Variants in NRP1 observed in about 807,000 individuals in gnomAD.
The protein encoded by NRP1 is neuropilin-1.
In NRP1, 35 loss-of-function variants were observed where a neutral mutation model predicts 106.7. The ratio of observed to expected loss-of-function variants is 0.33; its 90% confidence interval spans 0.25 to 0.43. The LOEUF (loss-of-function observed/expected upper bound fraction) is 0.43, where lower values mean the gene tolerates loss of function less well. Ranked by LOEUF, NRP1 falls within the 20% of genes least tolerant of loss-of-function variation. The pLI is 1.00. For missense variants in NRP1, 1,024 were observed against 1,170.4 expected (o/e 0.87, Z 1.83); for synonymous variants, 437 against 417.9 (o/e 1.05, Z -0.56).
At chr10:33,224,749 G>T (rs1201389103) in intron 7 of NRP1, among the ~76,000 whole-genome samples, 11 of 152,044 alleles carry the variant, frequency 7.2e-5, no homozygotes, top group Non-Finnish European at 1.5e-5. Context: ...GTCCCAGTGT[G>T]TGTTGTTCCC....
chr10:33,189,621 A>G lies in NRP1; in HGVS notation c.2062+2660T>C, dbSNP rs536559430. Among the ~76,000 whole-genome samples the G allele has an allele frequency of 4.6e-5, 7 of 152,368 alleles. No individual in the cohort carries two copies. The East Asian group carries it at 7.7e-4, about 17-fold the overall frequency. ...GTTCACTGAACCAGGGAGAGATGCCAGACTTCAGGAATCCTCTGAAAGGAG... is the reference window on the plus strand; with the variant it reads ...GTTCACTGAACCAGGGAGAGATGCCGGACTTCAGGAATCCTCTGAAAGGAG... On this transcript the variant is annotated intron_variant, in intron 13 of 16. Coordinates refer to ENST00000374867, the MANE Select transcript of NRP1 (RefSeq NM_003873.7).
chr10:33,235,246 GAAACAAA>G (rs1393691881), intron 6 of NRP1, among the ~76,000 whole-genome samples: 1 of 152,134 alleles, frequency 6.6e-6, no homozygotes, highest in Non-Finnish European at 1.5e-5. Context: ...TTGTCCAAAA[GAAACAAA>G]AGGGACTCGA....
chr10:33,328,024 TCAGTTGG>T, intron 2 of NRP1, among the ~76,000 whole-genome samples: 1 of 152,064 alleles, frequency 6.6e-6, no homozygotes, highest in Non-Finnish European at 1.5e-5. Flanking sequence ...GAGCAAAGCC[TCAGTTGG>T]GACAATTAAG....
At chr10:33,237,483 G>GCGCGCA (rs1554788799) in intron 6 of NRP1, among the ~76,000 whole-genome samples, 4 of 131,790 alleles carry the variant, frequency 3.0e-5, no homozygotes, top group Non-Finnish European at 6.3e-5. Context: ...ACACACATGC[G>GCGCGCA]CGCGCACACA....
Position 33,189,835 on chromosome 10 carries a change from C to A in NRP1, c.2062+2446G>T, listed in dbSNP as rs572365407. On this transcript the variant is annotated intron_variant, in intron 13 of 16. Coordinates refer to ENST00000374867, the MANE Select transcript of NRP1 (RefSeq NM_003873.7). ...ATCTACTCTCTAATGTCAGTCTATG[C>A]GCGGGAGCTTCGTGAAGGGCTCTTT... Among the ~76,000 whole-genome samples, 13 of 152,326 alleles carry A rather than the reference C, an allele frequency of 8.5e-5. No individual in the cohort carries two copies. The South Asian group carries it at 2.7e-3, about 32-fold the overall frequency.
chr10:33,203,111 G>A lies in NRP1; in HGVS notation c.1760-116C>T, dbSNP rs907941296. ...ACTTTAATCTGCGGTAAGAAGACCAGGGGCATGGTTTGCCTCTCTTTCAGG... is the reference window on the plus strand; with the variant it reads ...ACTTTAATCTGCGGTAAGAAGACCAAGGGCATGGTTTGCCTCTCTTTCAGG... On this transcript the variant is annotated intron_variant, in intron 10 of 16. Coordinates refer to ENST00000374867, the MANE Select transcript of NRP1 (RefSeq NM_003873.7). 19 of 1,005,178 alleles carry A rather than the reference G, an allele frequency of 1.9e-5. No homozygotes were observed. The African/African-American group carries it at 2.3e-4, about 12-fold the overall frequency. The allele number at this position is 1,005,178 out of a possible 1,614,324, so 62.3% of individuals were successfully genotyped here. A position where few individuals can be genotyped will look rare whatever the true frequency, so the allele number is the denominator to read the frequency against.
intron 12 of NRP1, chr10:33,194,452 T>C (rs998416061): frequency 8.0e-5 from 19 of 238,350 alleles, no homozygotes; most frequent in African/African-American, 4.0e-4. Flanking sequence ...CTTTTGGCTC[T>C]TCATATTCTG....
At position 33,180,171 on chromosome 10, in the gene NRP1, A is replaced by G. The variant is rs1207488199; in HGVS notation, c.2677T>C (p.Leu893=). 2 of 1,614,022 alleles carry G rather than the reference A, an allele frequency of 1.2e-6. No homozygotes were observed. The highest frequency in any genetic ancestry group is 1.7e-6 in the Non-Finnish European group (2 of 1,180,026). ...CWHNGMSERN[L]SALENYNFEL... is the part of the protein sequence containing the mutation. The stretch of plus-strand genomic sequence containing the variant: ...AAGTTATAGTTCTCCAGGGCAGACA[A>G]GTTTCTTTCTGACATCCCATTATGC... The change falls in exon 17 of 17, where the codon TTG becomes CTG. Residue 893 remains leucine (L), a synonymous_variant. Coordinates refer to ENST00000374867, the MANE Select transcript of NRP1 (RefSeq NM_003873.7).
chr10:33,278,027 C>G (rs1371696636), intron 2 of NRP1, among the ~76,000 whole-genome samples: 3 of 152,250 alleles, frequency 2.0e-5, no homozygotes, highest in African/African-American at 7.2e-5. Flanking sequence ...TTTCAATACA[C>G]CCCACAAATC....
intron 8 of NRP1, among the ~76,000 whole-genome samples, chr10:33,218,100 C>T (rs972956794): frequency 6.6e-6 from 1 of 152,094 alleles, no homozygotes; most frequent in Non-Finnish European, 1.5e-5. Context: ...TGTTGAAGCG[C>T]TGGGTAACAG....
intron 2 of NRP1, among the ~76,000 whole-genome samples, chr10:33,281,735 C>A (rs1325081406): frequency 6.6e-6 from 1 of 152,130 alleles, no homozygotes; most frequent in Admixed American, 6.5e-5. Context: ...CTTGCAGAAT[C>A]CCAGGGAGAA....
intron 6 of NRP1, among the ~76,000 whole-genome samples, chr10:33,231,690 C>T (rs556544912): frequency 2.0e-5 from 3 of 151,992 alleles, no homozygotes; most frequent in Admixed American, 6.6e-5. Flanking sequence ...GTGCAAAACG[C>T]GAACCCATGA....
At chr10:33,314,504 T>C (rs1451360299) in intron 2 of NRP1, among the ~76,000 whole-genome samples, 1 of 152,124 alleles carries the variant, frequency 6.6e-6, no homozygotes. Flanking sequence ...GAAAACTAAG[T>C]GTAAGAGAGT....
chr10:33,270,960 A>G, intron 2 of NRP1, 104 bp from the exon 3 acceptor site: 1 of 1,018,014 alleles, frequency 9.8e-7, no homozygotes, highest in Non-Finnish European at 1.4e-6. Context: ...CCAGGAAGAA[A>G]AAAAAGTTCT....
chr10:33,267,268 C>T (rs1842986103), intron 3 of NRP1, among the ~76,000 whole-genome samples: 1 of 152,132 alleles, frequency 6.6e-6, no homozygotes, highest in East Asian at 1.9e-4. Context: ...TATTTCTTTA[C>T]AGCAGTTTGA....
At chr10:33,321,270 C>T (rs577783925) in intron 2 of NRP1, among the ~76,000 whole-genome samples, 41 of 152,318 alleles carry the variant, frequency 2.7e-4, no homozygotes, top group African/African-American at 9.6e-4. Context: ...ATAGGTGAGC[C>T]ACCGCGCCTG....
Position 33,191,707 on chromosome 10 carries a change from G to A in NRP1, c.2062+574C>T, listed in dbSNP as rs114730986. Among the ~76,000 whole-genome samples the A allele has an allele frequency of 6.0e-3, 916 of 152,150 alleles. 10 individuals are homozygous for A. Among genetic ancestry groups the A allele is most frequent in the African/African-American group, 0.021 (853 of 41,494 alleles). ...AAAAGTATAAGATGAGGCTAGTTGC[G>A]GTGCCTCACACCTATAATCCCAGCA... On this transcript the variant is annotated intron_variant, in intron 13 of 16. Coordinates refer to ENST00000374867, the MANE Select transcript of NRP1 (RefSeq NM_003873.7).
chr10:33,247,670 A>G (rs923438890), intron 6 of NRP1, among the ~76,000 whole-genome samples: 2 of 152,220 alleles, frequency 1.3e-5, no homozygotes, highest in African/African-American at 4.8e-5. Context: ...TGCAGTGAAA[A>G]ACATAATCAG....
chr10:33,207,765 C>T (rs754614137), intron 9 of NRP1, 49 bp from the exon 10 acceptor site: 3 of 1,590,172 alleles, frequency 1.9e-6, no homozygotes, highest in Non-Finnish European at 2.6e-6. Flanking sequence ...AAAAACAGAG[C>T]TCCCTTTTAG....
Sources: gnomAD v4.1 joint callset for allele counts (sites outside exome capture counted in the v4.1 genomes callset) on GRCh38, gnomAD v4.1.1 for gene constraint, MANE v1.5 for transcripts, NCBI Gene and HGNC (gene_info 2026-07-23, HGNC 2026-07-21) for gene names.